Variants in EFNA5 observed in about 807,000 individuals in gnomAD.
The protein encoded by EFNA5 is ephrin-A5.
A neutral mutation model predicts 22.9 loss-of-function variants in EFNA5; 5 were observed. The observed-to-expected ratio is 0.22, with a 90% CI of 0.11 to 0.46. The LOEUF is 0.46. EFNA5 is among the 20% of genes least tolerant of loss of function. The pLI, the probability that EFNA5 is intolerant of heterozygous loss-of-function variation, is 0.99. For synonymous variants in EFNA5, 113 were observed against 112.2 expected (o/e 1.01, Z -0.04); for missense variants, 237 against 293.3 (o/e 0.81, Z 1.40).
At chr5:107,562,520 A>G (rs1286202548) in intron 1 of EFNA5, among the ~76,000 whole-genome samples, 1 of 152,174 alleles carries the variant, frequency 6.6e-6, no homozygotes, top group East Asian at 1.9e-4. Context: ...TGACTTGAGA[A>G]TCAAAGTTTG....
intron 1 of EFNA5, among the ~76,000 whole-genome samples, chr5:107,601,507 T>C (rs905605124): frequency 6.6e-5 from 10 of 152,196 alleles, no homozygotes; most frequent in African/African-American, 2.2e-4. Flanking sequence ...AGGAAATCTA[T>C]ATAATTTAAT....
intron 1 of EFNA5, among the ~76,000 whole-genome samples, chr5:107,528,397 C>T (rs963175495): frequency 2.0e-5 from 3 of 151,986 alleles, no homozygotes; most frequent in African/African-American, 7.3e-5. Context: ...TTTTTATTGG[C>T]ATTAATTTAC....
rs182893401 is a variant in EFNA5, at chr5:107,448,132, T to C, written c.126-20623A>G. 7.2e-5 allele frequency among the ~76,000 whole-genome samples: 11 copies of C among 152,174 alleles called. No homozygotes were observed. In the East Asian group the frequency reaches 1.5e-3, roughly 21 times the overall value. The stretch of plus-strand genomic sequence containing the variant: ...AAAATTTTTAAGAAGGTGCAGAACA[T>C]GATTGGATTTGTATGTTAAAGTGAT... On this transcript the variant is annotated intron_variant, in intron 1 of 4. Coordinates refer to ENST00000333274, the MANE Select transcript of EFNA5 (RefSeq NM_001962.3).
At chr5:107,669,545 C>G (rs1458235095) in intron 1 of EFNA5, among the ~76,000 whole-genome samples, 1 of 152,098 alleles carries the variant, frequency 6.6e-6, no homozygotes, top group Non-Finnish European at 1.5e-5. Flanking sequence ...CCCCACTCCA[C>G]TTCCAGGGTC....
chr5:107,460,614 T>G (rs527963972), intron 1 of EFNA5, among the ~76,000 whole-genome samples: 2 of 152,288 alleles, frequency 1.3e-5, no homozygotes, highest in East Asian at 3.9e-4. Flanking sequence ...AACTAAGATC[T>G]TTTGTAATTT....
chr5:107,501,610 C>T (rs1747137914), intron 1 of EFNA5, among the ~76,000 whole-genome samples: 1 of 152,180 alleles, frequency 6.6e-6, no homozygotes. Context: ...TTTTGCACAA[C>T]CATTCACTAT....
intron 1 of EFNA5, among the ~76,000 whole-genome samples, chr5:107,651,517 T>C (rs2112552980): frequency 6.6e-6 from 1 of 152,228 alleles, no homozygotes; most frequent in East Asian, 1.9e-4. Context: ...TAGGGGGTCC[T>C]CGCAGGCCTC....
chr5:107,658,250 T>C (rs1325239262), intron 1 of EFNA5, among the ~76,000 whole-genome samples: 3 of 152,204 alleles, frequency 2.0e-5, no homozygotes, highest in Non-Finnish European at 4.4e-5. Flanking sequence ...TAAAAATCTG[T>C]TTCTGCGGTG....
intron 1 of EFNA5, among the ~76,000 whole-genome samples, chr5:107,546,902 A>G (rs1015466670): frequency 2.6e-5 from 4 of 152,306 alleles, no homozygotes; most frequent in Admixed American, 2.6e-4. Context: ...TAACATGCCA[A>G]TGAATGGTCT....
chr5:107,654,183 T>C (rs1405188667), intron 1 of EFNA5, among the ~76,000 whole-genome samples: 3 of 152,092 alleles, frequency 2.0e-5, no homozygotes, highest in Non-Finnish European at 4.4e-5. Context: ...TGGGACAGCA[T>C]GTGAGAGGTA....
At chr5:107,480,710 A>C (rs1006099700) in intron 1 of EFNA5, among the ~76,000 whole-genome samples, 1 of 152,202 alleles carries the variant, frequency 6.6e-6, no homozygotes, top group Non-Finnish European at 1.5e-5. Context: ...CTGGGGATAC[A>C]CAGAAGCCAG....
intron 1 of EFNA5, among the ~76,000 whole-genome samples, chr5:107,481,431 TA>T (rs1750457358): frequency 1.3e-5 from 2 of 152,142 alleles, no homozygotes; most frequent in African/African-American, 4.8e-5. Flanking sequence ...TAAAGGATGG[TA>T]TTTTGATACA....
At chr5:107,669,995 G>A (rs1751153478) in intron 1 of EFNA5, among the ~76,000 whole-genome samples, 1 of 148,230 alleles carries the variant, frequency 6.7e-6, no homozygotes, top group Non-Finnish European at 1.5e-5. Flanking sequence ...CGCTCTCTCT[G>A]CGCGCACCGG....
intron 1 of EFNA5, among the ~76,000 whole-genome samples, chr5:107,635,531 T>C (rs1750355933): frequency 6.6e-6 from 1 of 152,242 alleles, no homozygotes; most frequent in African/African-American, 2.4e-5. Context: ...CACTTTTCAA[T>C]GTGTAAGTGC....
chr5:107,462,403 C>T (rs1178037414), intron 1 of EFNA5, among the ~76,000 whole-genome samples: 2 of 152,116 alleles, frequency 1.3e-5, no homozygotes, highest in African/African-American at 4.8e-5. Flanking sequence ...AGGACAAATG[C>T]TGTATTGCTG....
At chr5:107,652,540 C>T (rs1370793643) in intron 1 of EFNA5, among the ~76,000 whole-genome samples, 1 of 152,110 alleles carries the variant, frequency 6.6e-6, no homozygotes, top group Admixed American at 6.6e-5. Flanking sequence ...TGGTATTTGC[C>T]TGCATGTGGT....
intron 1 of EFNA5, among the ~76,000 whole-genome samples, chr5:107,667,298 A>G (rs936721530): frequency 1.3e-5 from 2 of 152,136 alleles, no homozygotes; most frequent in Non-Finnish European, 2.9e-5. Context: ...AAAAGTTATC[A>G]GCATTTGAAA....
intron 2 of EFNA5, among the ~76,000 whole-genome samples, chr5:107,424,325 G>C (rs143739485): frequency 0.016 from 2,313 of 146,028 alleles, 50 homozygotes; most frequent in African/African-American, 0.055. Flanking sequence ...TCCTGCCTCA[G>C]CCTCCCAAGT....
chr5:107,474,040 C>G (rs1395164426), intron 1 of EFNA5, among the ~76,000 whole-genome samples: 1 of 151,830 alleles, frequency 6.6e-6, no homozygotes, highest in Non-Finnish European at 1.5e-5. Flanking sequence ...AGATTGTAAA[C>G]TGATGGCCTG....
Sources: allele counts gnomAD v4.1 joint callset (sites outside exome capture counted in the v4.1 genomes callset), GRCh38; gene constraint gnomAD v4.1.1; transcripts MANE v1.5; gene names NCBI Gene and HGNC (gene_info 2026-07-23, HGNC 2026-07-21).